The following CFAP53 variants were observed in gnomAD, a reference collection of about 807,000 sequenced individuals.
CFAP53 encodes the protein cilia and flagella associated protein 53.
Under a neutral mutation model 59.7 loss-of-function variants are expected in CFAP53, and 62 were observed. The observed-to-expected ratio is 1.04, with a 90% confidence interval of 0.85 to 1.28. The LOEUF is 1.28. Ranked by LOEUF, CFAP53 falls within the 50% of genes most tolerant of loss-of-function variation. CFAP53 has a pLI of 0.00. For missense variants in CFAP53, 629 were observed against 615.6 expected (o/e 1.02, Z -0.23); for synonymous variants, 218 against 205.7 (o/e 1.06, Z -0.51).
intron 5 of CFAP53, among the ~76,000 whole-genome samples, chr18:50,246,205 T>G (rs77486958): frequency 0.023 from 3,534 of 152,300 alleles, 133 homozygotes; most frequent in African/African-American, 0.08. Flanking sequence ...TTACATTTTC[T>G]GATTTCAAAC....
intron 7 of CFAP53, among the ~76,000 whole-genome samples, chr18:50,237,351 TACGCAC>T (rs2033646424): frequency 6.1e-5 from 1 of 16,320 alleles, no homozygotes; most frequent in African/African-American, 1.7e-4. Flanking sequence ...TATATATATA[TACGCAC>T]ACATATATAT....
intron 3 of CFAP53, among the ~76,000 whole-genome samples, chr18:50,259,475 G>T (rs1426167428): frequency 1.4e-5 from 2 of 147,026 alleles, no homozygotes; most frequent in Non-Finnish European, 3.0e-5. Flanking sequence ...GTTGGGGGTG[G>T]AGGTGGGGAC....
intron 7 of CFAP53, among the ~76,000 whole-genome samples, chr18:50,235,515 C>T (rs1204773072): frequency 6.6e-6 from 1 of 152,088 alleles, no homozygotes; most frequent in East Asian, 1.9e-4. Context: ...TTGCAGTGAG[C>T]TGGGATCACG....
chr18:50,265,190 C>A (rs551791078), intron 1 of CFAP53, among the ~76,000 whole-genome samples: 2 of 152,228 alleles, frequency 1.3e-5, no homozygotes, highest in South Asian at 2.1e-4. Context: ...AATCTGAAAT[C>A]TGAAATGCTC....
Position 50,250,973 on chromosome 18 carries a change from T to C in CFAP53, c.781A>G (p.Ser261Gly), listed in dbSNP as rs2033793556. Residue 261 changes from serine to glycine, a missense_variant, in exon 5 of 8, where the codon AGT becomes GGT. Coordinates refer to ENST00000398545, the MANE Select transcript of CFAP53 (RefSeq NM_145020.5). ...TCATGTTTAATCTGTGCGTTGTTAC[T>C]TTCCTAAGGTAGAATCATAATAAAG... ...LKEEEARLVE[S>G]NNAQIKHENE... The C allele has an allele frequency of 1.2e-6, 2 of 1,613,010 alleles. No individual in the cohort carries two copies. Among genetic ancestry groups the C allele is most frequent in the Non-Finnish European group, 1.7e-6 (2 of 1,179,136 alleles).
chr18:50,240,300 C>T (rs929718197), intron 6 of CFAP53, among the ~76,000 whole-genome samples: 1 of 152,174 alleles, frequency 6.6e-6, no homozygotes, highest in African/African-American at 2.4e-5. Context: ...TCCACCCTAA[C>T]TCATTCTGAT....
chr18:50,257,959 T>G (rs1599130592), intron 3 of CFAP53, among the ~76,000 whole-genome samples: 2 of 152,056 alleles, frequency 1.3e-5, no homozygotes, highest in South Asian at 4.1e-4. Flanking sequence ...GAACCTAACC[T>G]GGGAGGCAGA....
At chr18:50,261,384 T>G (rs1390147786) in intron 2 of CFAP53, 147 bp from the exon 3 acceptor site, 1 of 991,268 alleles carries the variant, frequency 1.0e-6, no homozygotes, top group Non-Finnish European at 1.4e-6. Flanking sequence ...GTTGGTTTGT[T>G]TTTTTGTTTT....
At position 50,238,746 on chromosome 18, in the gene CFAP53, G is replaced by C. The variant is rs2033660830; in HGVS notation, c.1214-41C>G. Reference sequence around the variant, plus strand: ...GTAATTATATGTCAAATGACTTTCAGACAAGAATTGCCAACATCTTTCTGG... The same window carrying C: ...GTAATTATATGTCAAATGACTTTCACACAAGAATTGCCAACATCTTTCTGG... On this transcript the variant is annotated intron_variant, in intron 6 of 7. Transcript: ENST00000398545. 4 of 1,462,734 alleles carry C rather than the reference G, an allele frequency of 2.7e-6. No homozygotes were observed. The African/African-American group carries it at 5.6e-5, about 20-fold the overall frequency. The allele number at this position is 1,462,734 out of a possible 1,614,324, so 90.6% of individuals were successfully genotyped here. A position where few individuals can be genotyped will look rare whatever the true frequency, so the allele number is the denominator to read the frequency against.
At chr18:50,241,096 G>C (rs1156669111) in intron 6 of CFAP53, among the ~76,000 whole-genome samples, 2 of 152,240 alleles carry the variant, frequency 1.3e-5, no homozygotes, top group African/African-American at 4.8e-5. Context: ...TCACTTAGCA[G>C]TATGATGCAG....
intron 7 of CFAP53, among the ~76,000 whole-genome samples, chr18:50,237,351 T>TATATATACAC (rs67836600): frequency 1.2e-4 from 2 of 16,332 alleles, no homozygotes; most frequent in African/African-American, 3.4e-4. Context: ...TATATATATA[T>TATATATACAC]ACGCACACAT....
intron 1 of CFAP53, 79 bp downstream of exon 1, chr18:50,266,257 C>T (rs2033972725): frequency 1.4e-6 from 2 of 1,407,272 alleles, no homozygotes; most frequent in African/African-American, 1.4e-5. Context: ...CGGGTGGGGG[C>T]CGAAGTGGGA....
intron 1 of CFAP53, among the ~76,000 whole-genome samples, chr18:50,263,869 G>A (rs1441348211): frequency 6.6e-6 from 1 of 152,190 alleles, no homozygotes; most frequent in African/African-American, 2.4e-5. Flanking sequence ...TTTAAGGCTT[G>A]GGAATCATGT....
chr18:50,266,280 G>A lies in CFAP53; in HGVS notation c.69+56C>T, dbSNP rs565308907. 8 of 1,560,896 alleles carry A rather than the reference G, an allele frequency of 5.1e-6. No individual in the cohort carries two copies. In the East Asian group the frequency reaches 1.6e-4, roughly 31 times the overall value. On this transcript the variant is annotated intron_variant, in intron 1 of 7. Transcript: ENST00000398545. ...GGCCGAAGTGGGATAGGCCAGGCCT[G>A]GAGTGCGGAGAGATGGAGAAAGCTG...
In CFAP53 at chr18:50,227,955, C is replaced by CTTTTTTTTTTTTTTT. The variant is rs1191228047; in HGVS notation, c.1317-361_1317-347dup. 8.9e-5 allele frequency among the ~76,000 whole-genome samples: 8 copies of CTTTTTTTTTTTTTTT among 90,090 alleles called. 1 individual carries two copies. Among genetic ancestry groups the CTTTTTTTTTTTTTTT allele is most frequent in the East Asian group, 3.8e-4 (1 of 2,624 alleles). 59.1% of individuals were successfully genotyped at this position (90,090 alleles called of 152,430 possible). The stretch of plus-strand genomic sequence containing the variant: ...CAAACTGCTCAATTCAACTTTTCTC[C>CTTTTTTTTTTTTTTT]TTTTTTTTTTTTTTTTTTTTTTGAG... On this transcript the variant is annotated intron_variant, in intron 7 of 7. Transcript: ENST00000398545.
intron 5 of CFAP53, among the ~76,000 whole-genome samples, chr18:50,243,722 C>T (rs756575578): frequency 1.2e-4 from 19 of 152,128 alleles, no homozygotes; most frequent in East Asian, 1.9e-4. Flanking sequence ...GAGGCCGAGG[C>T]GGGTGGATCA....
rs1191228047 is a variant in CFAP53, at chr18:50,227,955, C to CTTTTTTTTTTTTTT, written c.1317-360_1317-347dup. On this transcript the variant is annotated intron_variant, in intron 7 of 7. Coordinates refer to ENST00000398545, the MANE Select transcript of CFAP53 (RefSeq NM_145020.5). ...CAAACTGCTCAATTCAACTTTTCTCCTTTTTTTTTTTTTTTTTTTTTTGAG... is the reference window on the plus strand; with the variant it reads ...CAAACTGCTCAATTCAACTTTTCTCCTTTTTTTTTTTTTTTTTTTTTTTTTTTTTTTTTTTTGAG... 1.9e-4 allele frequency among the ~76,000 whole-genome samples: 17 copies of CTTTTTTTTTTTTTT among 90,090 alleles called. 1 individual carries two copies. The highest frequency in any genetic ancestry group is 7.1e-4 in the Admixed American group (4 of 5,598). The allele number at this position is 90,090 out of a possible 152,430, so 59.1% of individuals were successfully genotyped here.
chr18:50,227,753 A>T, intron 7 of CFAP53, 144 bp from the exon 8 acceptor site: 1 of 633,634 alleles, frequency 1.6e-6, no homozygotes, highest in South Asian at 2.0e-5. Flanking sequence ...TAGATGAAAA[A>T]CTCAATAATG....
chr18:50,233,895 G>A (rs1210233571), intron 7 of CFAP53, among the ~76,000 whole-genome samples: 1 of 152,208 alleles, frequency 6.6e-6, no homozygotes, highest in Non-Finnish European at 1.5e-5. Flanking sequence ...GGTTTAGGAG[G>A]GGAGCCTAGG....
Sources: allele counts gnomAD v4.1 joint callset (sites outside exome capture counted in the v4.1 genomes callset), GRCh38; gene constraint gnomAD v4.1.1; transcripts MANE v1.5; gene names NCBI Gene and HGNC (gene_info 2026-07-23, HGNC 2026-07-21).